The following CARTPT variants were observed in gnomAD, a reference collection of about 807,000 sequenced individuals.
CARTPT encodes CART prepropeptide, also known as cocaine- and amphetamine-regulated transcript protein.
CARTPT carries 6 observed loss-of-function variants against 12.2 expected under a neutral mutation model. The observed-to-expected ratio is 0.49, with a 90% confidence interval of 0.27 to 0.97. The LOEUF (loss-of-function observed/expected upper bound fraction) is 0.97, where lower values mean the gene tolerates loss of function less well. CARTPT is among the 50% of genes least tolerant of loss of function. The probability of loss-of-function intolerance (pLI) is 0.12; values close to 1 mark genes in which losing one functional copy is unlikely to be tolerated. For synonymous variants in CARTPT, 75 were observed against 64.1 expected, an observed-to-expected ratio of 1.17 and a Z score of -0.82; for missense variants, 135 against 142.0, an observed-to-expected ratio of 0.95 and a Z score of 0.25.
intron 1 of CARTPT, 156 bp downstream of exon 1, chr5:71,719,608 C>A: frequency 2.2e-6 from 2 of 905,354 alleles, no homozygotes; most frequent in Admixed American, 2.1e-5. Context: ...CGAAGAGCGT[C>A]TCGAGCTCAC....
rs897004902 is a variant in CARTPT, at chr5:71,721,012, A to T, written c.*397A>T. 8 of 241,376 alleles carry T rather than the reference A, an allele frequency of 3.3e-5. No homozygotes were observed. The South Asian group carries it at 4.9e-4, about 15-fold the overall frequency. 15.0% of individuals were successfully genotyped at this position (241,376 alleles called of 1,614,324 possible). ...CTAAGTGACACAAATTGAAGCATGTACAAATTATACATAATAAAGTGTTTT... is the reference window on the plus strand; with the variant it reads ...CTAAGTGACACAAATTGAAGCATGTTCAAATTATACATAATAAAGTGTTTT... On this transcript the variant is annotated 3_prime_UTR_variant, in exon 3 of 3. Transcript: ENST00000296777.
At position 71,719,487 on chromosome 5, in the gene CARTPT, T is replaced by A. The variant is rs373471408; in HGVS notation, c.159+35T>A. On this transcript the variant is annotated intron_variant, in intron 1 of 2. Coordinates refer to ENST00000296777, the MANE Select transcript of CARTPT (RefSeq NM_004291.4). ...CCCCTCGCTCTCGACCCCCTTGAGC[T>A]GTCGCCTTGTCTCTTCTCTTGCACG... 79 of 1,612,596 alleles carry A rather than the reference T, an allele frequency of 4.9e-5. No individual in the cohort carries two copies. In the African/African-American group the frequency reaches 8.1e-4, roughly 17 times the overall value.
chr5:71,720,491 AC>A lies in CARTPT; in HGVS notation c.244-16del. ...GGGTTTGTTCATACTCGATGACCACACATTTTGTTGTTTCAGTGTGACGCCG... is the reference window on the plus strand; with the variant it reads ...GGGTTTGTTCATACTCGATGACCACAATTTTGTTGTTTCAGTGTGACGCCG... On this transcript the variant is annotated splice_polypyrimidine_tract_variant and intron_variant, in intron 2 of 2. Coordinates refer to ENST00000296777, the MANE Select transcript of CARTPT (RefSeq NM_004291.4). The A allele has an allele frequency of 6.2e-7, 1 of 1,604,578 alleles. No individual in the cohort carries two copies. Among genetic ancestry groups the A allele is most frequent in the Non-Finnish European group, 8.5e-7 (1 of 1,175,492 alleles).
Position 71,720,891 on chromosome 5 carries a change from G to T in CARTPT, c.*276G>T. 2.4e-6 allele frequency: 1 copy of T among 420,436 alleles called. No homozygotes were observed. The highest frequency in any genetic ancestry group is 2.6e-5 in the South Asian group (1 of 38,698). 26.0% of individuals were successfully genotyped at this position (420,436 alleles called of 1,614,324 possible). A position where few individuals can be genotyped will look rare whatever the true frequency, so the allele number is the denominator to read the frequency against. ...CCTTTGTGTAAAGAAGGGAAGCTTT[G>T]TTTGAAAATTGTATTTTTGTATGTG... is the stretch of plus-strand genomic sequence containing the variant. On this transcript the variant is annotated 3_prime_UTR_variant, in exon 3 of 3. Coordinates refer to ENST00000296777, the MANE Select transcript of CARTPT (RefSeq NM_004291.4).
Position 71,720,690 on chromosome 5 carries a change from T to C in CARTPT, c.*75T>C. 1 of 1,213,964 alleles carries C rather than the reference T, an allele frequency of 8.2e-7. No homozygotes were observed. The highest frequency in any genetic ancestry group is 1.5e-5 in the African/African-American group (1 of 66,858). The allele number at this position is 1,213,964 out of a possible 1,614,324, so 75.2% of individuals were successfully genotyped here. A position where few individuals can be genotyped will look rare whatever the true frequency, so the allele number is the denominator to read the frequency against. On this transcript the variant is annotated 3_prime_UTR_variant, in exon 3 of 3. Coordinates refer to ENST00000296777, the MANE Select transcript of CARTPT (RefSeq NM_004291.4). ...AGGACCACACCTTCCTCCCTGGAGTTTGGCTTAAGCAACAGATAAAGTTTT... is the reference window on the plus strand; with the variant it reads ...AGGACCACACCTTCCTCCCTGGAGTCTGGCTTAAGCAACAGATAAAGTTTT...
At position 71,720,531 on chromosome 5, in the gene CARTPT, A is replaced by G; in HGVS notation, c.267A>G (p.Ala89=). Residue 89 remains alanine (A), a synonymous_variant, in exon 3 of 3, where the codon GCA becomes GCG. Transcript: ENST00000296777. ...AGTGTGACGCCGGTGAGCAGTGTGC[A>G]GTGAGGAAAGGGGCAAGGATCGGGA... is the stretch of plus-strand genomic sequence containing the variant. ...VPMCDAGEQC[A]VRKGARIGKL... 6.2e-7 allele frequency: 1 copy of G among 1,613,106 alleles called. No individual in the cohort carries two copies. Among genetic ancestry groups the G allele is most frequent in the Non-Finnish European group, 8.5e-7 (1 of 1,179,714 alleles).
chr5:71,719,529 A>G (rs1312287029), intron 1 of CARTPT, 77 bp downstream of exon 1: 3 of 1,507,256 alleles, frequency 2.0e-6, no homozygotes, highest in Admixed American at 1.7e-5. Context: ...TCCTCCCCCC[A>G]CCCCCACTCC....
At position 71,720,816 on chromosome 5, in the gene CARTPT, A is replaced by G; in HGVS notation, c.*201A>G. 1.7e-6 allele frequency: 1 copy of G among 589,364 alleles called. No homozygotes were observed. Among genetic ancestry groups the G allele is most frequent in the Non-Finnish European group, 3.0e-6 (1 of 329,038 alleles). 36.5% of individuals were successfully genotyped at this position (589,364 alleles called of 1,614,324 possible). A position where few individuals can be genotyped will look rare whatever the true frequency, so the allele number is the denominator to read the frequency against. On this transcript the variant is annotated 3_prime_UTR_variant, in exon 3 of 3. Transcript: ENST00000296777. ...AAGAATAATGCCTTGTATGGTGTTGATACGTGTGTGAAGTATTCTTATTTT... is the reference window on the plus strand; with the variant it reads ...AAGAATAATGCCTTGTATGGTGTTGGTACGTGTGTGAAGTATTCTTATTTT...
rs1015084279 is a variant in CARTPT at position 71,720,455 on chromosome 5, G to A, written c.244-53G>A. 48 of 1,521,834 alleles carry A rather than the reference G, an allele frequency of 3.2e-5. 1 individual carries two copies. The African/African-American group carries it at 4.2e-4, about 13-fold the overall frequency. The allele number at this position is 1,521,834 out of a possible 1,614,324, so 94.3% of individuals were successfully genotyped here. ...ATTGCGTTGACTGTGAGACTTGCCTGTTGGGAACCTGGGTTTGTTCATACT... is the reference window on the plus strand; with the variant it reads ...ATTGCGTTGACTGTGAGACTTGCCTATTGGGAACCTGGGTTTGTTCATACT... On this transcript the variant is annotated intron_variant, in intron 2 of 2. Transcript: ENST00000296777.
intron 2 of CARTPT, 95 bp from the exon 3 acceptor site, chr5:71,720,413 C>T: frequency 9.4e-7 from 1 of 1,068,574 alleles, no homozygotes. Context: ...TCCAATTGCC[C>T]CTTTCAAGAG....
At chr5:71,719,537 T>A (rs1748660732) in intron 1 of CARTPT, 85 bp downstream of exon 1, 1 of 1,511,832 alleles carries the variant, frequency 6.6e-7, no homozygotes, top group Admixed American at 1.7e-5. Flanking sequence ...CCACCCCCAC[T>A]CCTATTCCCA....
Position 71,719,962 on chromosome 5 carries a change from T to G in CARTPT, c.242T>G (p.Met81Arg). The G allele has an allele frequency of 6.2e-7, 1 of 1,613,856 alleles. No individual in the cohort carries two copies. The highest frequency in any genetic ancestry group is 2.2e-5 in the East Asian group (1 of 44,878). The change falls in exon 2 of 3, where the codon ATG becomes AGG. Residue 81 changes from methionine to arginine, a missense_variant and splice_region_variant. Coordinates refer to ENST00000296777, the MANE Select transcript of CARTPT (RefSeq NM_004291.4). ...GAGAAGAAGTATGGCCAAGTCCCCA[T>G]GGTAAGGTTTGTGGTCACTCCCTTC... ...IYEKKYGQVPMCDAGEQCAVR... is the reference protein window; with the variant it reads ...IYEKKYGQVPRCDAGEQCAVR...
rs1748690707 is a variant in CARTPT, at chr5:71,720,660, C to A, written c.*45C>A. Reference sequence around the variant, plus strand: ...CATACATCCCCATCCCTCTACTTTCCCCAGAGGACCACACCTTCCTCCCTG... The same window carrying A: ...CATACATCCCCATCCCTCTACTTTCACCAGAGGACCACACCTTCCTCCCTG... On this transcript the variant is annotated 3_prime_UTR_variant, in exon 3 of 3. Coordinates refer to ENST00000296777, the MANE Select transcript of CARTPT (RefSeq NM_004291.4). 2 of 1,434,654 alleles carry A rather than the reference C, an allele frequency of 1.4e-6. No individual in the cohort carries two copies. The highest frequency in any genetic ancestry group is 1.9e-6 in the Non-Finnish European group (2 of 1,033,864). 88.9% of individuals were successfully genotyped at this position (1,434,654 alleles called of 1,614,324 possible).
intron 2 of CARTPT, 104 bp from the exon 3 acceptor site, chr5:71,720,404 C>T: frequency 1.1e-6 from 1 of 928,948 alleles, no homozygotes. Flanking sequence ...GTGATGGGGT[C>T]CAATTGCCCC....
chr5:71,720,757 A>C lies in CARTPT; in HGVS notation c.*142A>C. On this transcript the variant is annotated 3_prime_UTR_variant, in exon 3 of 3. Transcript: ENST00000296777. ...GAAAGGGCTCTTTTCCTGCTGTTTC[A>C]AAAATAAAAGAACACATTAGATGTT... 1 of 718,622 alleles carries C rather than the reference A, an allele frequency of 1.4e-6. No individual in the cohort carries two copies. The highest frequency in any genetic ancestry group is 2.5e-6 in the Non-Finnish European group (1 of 399,024). 44.5% of individuals were successfully genotyped at this position (718,622 alleles called of 1,614,324 possible).
intron 2 of CARTPT, 101 bp from the exon 3 acceptor site, chr5:71,720,407 A>G (rs1427537722): frequency 1.0e-6 from 1 of 980,142 alleles, no homozygotes; most frequent in Non-Finnish European, 1.6e-6. Context: ...ATGGGGTCCA[A>G]TTGCCCCTTT....
chr5:71,719,576 C>T, intron 1 of CARTPT, 124 bp downstream of exon 1: 1 of 1,180,472 alleles, frequency 8.5e-7, no homozygotes, highest in Non-Finnish European at 1.2e-6. Context: ...CTGAGCGCAA[C>T]GCCCAGGCAC....
Position 71,720,604 on chromosome 5 carries a change from A to C in CARTPT, c.340A>C (p.Lys114Gln). Reference protein sequence around the residue: ...RGTSCNSFLLKCL With the variant: ...RGTSCNSFLLQCL ...AACCTCCTGCAATTCCTTCCTCCTG[A>C]AGTGCTTATGAAGGGGCGTCCATTC... Residue 114 changes from lysine to glutamine, a missense_variant, in exon 3 of 3, where the codon AAG (lysine) becomes CAG (glutamine). Physicochemically the swap from Lys to Gln is moderately conservative, Grantham distance 53. Coordinates refer to ENST00000296777, the MANE Select transcript of CARTPT (RefSeq NM_004291.4). 6.2e-7 allele frequency: 1 copy of C among 1,608,318 alleles called. No individual in the cohort carries two copies. The highest frequency in any genetic ancestry group is 8.5e-7 in the Non-Finnish European group (1 of 1,177,468).
In CARTPT at chr5:71,720,872, T is replaced by A. The variant is rs1266218965; in HGVS notation, c.*257T>A. 3 of 473,246 alleles carry A rather than the reference T, an allele frequency of 6.3e-6. No individual in the cohort carries two copies. The highest frequency in any genetic ancestry group is 1.2e-5 in the Non-Finnish European group (3 of 260,542). The allele number at this position is 473,246 out of a possible 1,614,324, so 29.3% of individuals were successfully genotyped here. The stretch of plus-strand genomic sequence containing the variant: ...TCTGACAAACTCTTGTGTACCTTTG[T>A]GTAAAGAAGGGAAGCTTTGTTTGAA... On this transcript the variant is annotated 3_prime_UTR_variant, in exon 3 of 3. Transcript: ENST00000296777.
Sources: allele counts gnomAD v4.1 joint callset, GRCh38; gene constraint gnomAD v4.1.1; transcripts MANE v1.5; gene names NCBI Gene and HGNC (gene_info 2026-07-23, HGNC 2026-07-21).